POLQ: variants seen among roughly 807,000 people sequenced by gnomAD.
POLQ encodes DNA polymerase theta, also known as epididymis secretory sperm binding protein.
A neutral mutation model predicts 259.2 loss-of-function variants in POLQ; 233 were observed. That is an observed-to-expected ratio of 0.90 (90% CI 0.81 to 1.00). The LOEUF (loss-of-function observed/expected upper bound fraction) is 1.00, where lower values mean the gene tolerates loss of function less well. Ranked by LOEUF, POLQ falls within the 50% of genes least tolerant of loss-of-function variation. The pLI is 0.00. For synonymous variants in POLQ, 1,025 were observed against 1,048.8 expected (o/e 0.98, Z 0.44); for missense variants, 2,871 against 3,051.6 (o/e 0.94, Z 1.39).
intron 15 of POLQ, among the ~76,000 whole-genome samples, chr3:121,492,362 G>A (rs2048075640): frequency 6.6e-6 from 1 of 152,148 alleles, no homozygotes; most frequent in South Asian, 2.1e-4. Flanking sequence ...GCTATTCCTT[G>A]ATTTATATAC....
intron 13 of POLQ, 67 bp from the exon 14 acceptor site, chr3:121,496,999 A>G (rs1019401734): frequency 6.6e-7 from 1 of 1,524,006 alleles, no homozygotes; most frequent in African/African-American, 1.4e-5. Context: ...CAGTGTGTTG[A>G]AAAATGACTA....
At chr3:121,474,246 C>T (rs565246287) in intron 20 of POLQ, among the ~76,000 whole-genome samples, 39 of 152,272 alleles carry the variant, frequency 2.6e-4, no homozygotes, top group African/African-American at 8.2e-4. Flanking sequence ...TTTGAAAAGT[C>T]ATCTAGTCCC....
chr3:121,500,500 A>G (rs1294893196), intron 12 of POLQ, among the ~76,000 whole-genome samples: 1 of 152,228 alleles, frequency 6.6e-6, no homozygotes, highest in African/African-American at 2.4e-5. Context: ...ATCAGCAAAC[A>G]TGAATAGATT....
At position 121,483,490 on chromosome 3, in the gene POLQ, A is replaced by G; in HGVS notation, c.5866T>C (p.Ser1956Pro). Residue 1956 changes from serine (S) to proline (P), a missense_variant, in exon 18 of 30, where the codon TCT (serine) becomes CCT (proline). Physicochemically the swap from Ser to Pro is moderately conservative, Grantham distance 74. Around this residue, in one of 3 missense-constraint regions of POLQ, gnomAD observed 2,080 missense variants for 2,126.0 expected, o/e 0.98. Transcript: ENST00000264233. ...ATGACAACAGAACATTCTTTATCAGATTCCTTTCGCAAGCAAGATTGAAGG... is the reference window on the plus strand; with the variant it reads ...ATGACAACAGAACATTCTTTATCAGGTTCCTTTCGCAAGCAAGATTGAAGG... The part of the protein sequence containing the change: ...WYLQSCLRKE[S>P]DKECSVVIYD... The G allele has an allele frequency of 6.2e-7, 1 of 1,609,524 alleles. No homozygotes were observed. The highest frequency in any genetic ancestry group is 8.5e-7 in the Non-Finnish European group (1 of 1,178,278).
chr3:121,536,614 A>C (rs1311650423), intron 5 of POLQ, among the ~76,000 whole-genome samples: 1 of 152,222 alleles, frequency 6.6e-6, no homozygotes, highest in South Asian at 2.1e-4. Flanking sequence ...ATGTTTACAC[A>C]GTAATCTAAA....
At position 121,519,358 on chromosome 3, in the gene POLQ, T is replaced by TTATA. The variant is rs1560105364; in HGVS notation, c.1468+512_1468+513insTATA. ...ACATTTGTAGAAAATCAACAGTTGATGATATATATATATATATATATATAT... is the reference window on the plus strand; with the variant it reads ...ACATTTGTAGAAAATCAACAGTTGATTATAGATATATATATATATATATATATAT... On this transcript the variant is annotated intron_variant, in intron 9 of 29. Coordinates refer to ENST00000264233, the MANE Select transcript of POLQ (RefSeq NM_199420.4). Among the ~76,000 whole-genome samples the TTATA allele has an allele frequency of 2.0e-4, 12 of 60,688 alleles. No homozygotes were observed. In the East Asian group the frequency reaches 3.0e-3, roughly 15 times the overall value. 39.8% of individuals were successfully genotyped at this position (60,688 alleles called of 152,430 possible).
chr3:121,450,777 T>G (rs1175015060), intron 25 of POLQ, among the ~76,000 whole-genome samples: 1 of 152,180 alleles, frequency 6.6e-6, no homozygotes, highest in Non-Finnish European at 1.5e-5. Flanking sequence ...TTGGAGTTGC[T>G]CTTCTCGAGG....
At chr3:121,530,390 G>A (rs2048402853) in intron 6 of POLQ, among the ~76,000 whole-genome samples, 2 of 152,168 alleles carry the variant, frequency 1.3e-5, no homozygotes, top group African/African-American at 4.8e-5. Flanking sequence ...ATGATATTCA[G>A]TAGGTTAAAT....
At chr3:121,477,379 C>T (rs2047935574) in intron 19 of POLQ, among the ~76,000 whole-genome samples, 1 of 152,076 alleles carries the variant, frequency 6.6e-6, no homozygotes, top group African/African-American at 2.4e-5. Flanking sequence ...TATCTTTAGG[C>T]TATGTCTATA....
At chr3:121,467,829 C>T (rs1294605192) in intron 23 of POLQ, among the ~76,000 whole-genome samples, 189 bp from the exon 24 acceptor site, 2 of 152,142 alleles carry the variant, frequency 1.3e-5, no homozygotes, top group African/African-American at 2.4e-5. Context: ...TTGCTTGAGC[C>T]CAGGAGTTCG....
intron 12 of POLQ, among the ~76,000 whole-genome samples, chr3:121,500,412 G>A (rs1371041979): frequency 2.0e-5 from 3 of 152,122 alleles, no homozygotes; most frequent in Admixed American, 6.5e-5. Flanking sequence ...GATTAAAGGC[G>A]TGAGCCACCA....
chr3:121,487,764 G>A lies in POLQ; in HGVS notation c.5167C>T (p.Arg1723Cys), dbSNP rs77475519. ...TCATCAACTATATTACTTTCTTTAC[G>A]AGGTAAGAGGGATGAGGTTTCATCA... Reference protein sequence around the residue: ...NHDETSSLLPRKESNIVDDNG... With the variant: ...NHDETSSLLPCKESNIVDDNG... Residue 1723 changes from arginine (R) to cysteine (C), a missense_variant, in exon 16 of 30, where the codon CGT becomes TGT. Around this residue, in one of 3 missense-constraint regions of POLQ, gnomAD observed 2,080 missense variants for 2,126.0 expected, o/e 0.98. Coordinates refer to ENST00000264233, the MANE Select transcript of POLQ (RefSeq NM_199420.4). 9.4e-5 allele frequency: 151 copies of A among 1,611,724 alleles called. No homozygotes were observed. The East Asian group carries it at 3.3e-3, about 35-fold the overall frequency.
intron 5 of POLQ, among the ~76,000 whole-genome samples, chr3:121,535,923 T>C (rs546323051): frequency 6.6e-6 from 1 of 152,042 alleles, no homozygotes; most frequent in South Asian, 2.1e-4. Flanking sequence ...ATAGCACATA[T>C]ATAGATTAAC....
intron 1 of POLQ, 55 bp downstream of exon 1, chr3:121,545,660 C>A: frequency 1.3e-6 from 2 of 1,489,678 alleles, no homozygotes; most frequent in Non-Finnish European, 9.0e-7. Context: ...CCTCCCGACC[C>A]ATGGCCCGGC....
chr3:121,523,449 C>A (rs949885808), intron 7 of POLQ, among the ~76,000 whole-genome samples: 1 of 152,100 alleles, frequency 6.6e-6, no homozygotes, highest in Non-Finnish European at 1.5e-5. Flanking sequence ...CGGTGGCTGA[C>A]ACCCGTAATC....
At position 121,487,830 on chromosome 3, in the gene POLQ, CTTCA is replaced by C. The variant is rs769408398; in HGVS notation, c.5097_5100del (p.Asn1699LysfsTer2). On this transcript the variant is annotated frameshift_variant, in exon 16 of 30. Transcript: ENST00000264233. LOFTEE classifies it high-confidence loss of function. ...TCTAGCATCTCAATCTTGCTTTTTA[CTTCA>C]TTATTAGAAGAAAATGAAATTCCCT... 2 of 1,609,294 alleles carry C rather than the reference CTTCA, an allele frequency of 1.2e-6. No homozygotes were observed. Among genetic ancestry groups the C allele is most frequent in the Middle Eastern group, 1.7e-4 (1 of 6,024 alleles).
rs571341197 is a variant in POLQ, at chr3:121,503,643, T to G, written c.1960-4973A>C. Among the ~76,000 whole-genome samples the G allele has an allele frequency of 4.6e-5, 7 of 152,314 alleles. No homozygotes were observed. In the South Asian group the frequency reaches 1.2e-3, roughly 27 times the overall value. ...TCTCTTGTTATCTGTGGGGGACTGG[T>G]TCCAGGACCTCCTGCAGATAACAAA... On this transcript the variant is annotated intron_variant, in intron 12 of 29. Coordinates refer to ENST00000264233, the MANE Select transcript of POLQ (RefSeq NM_199420.4).
chr3:121,501,455 C>G (rs1051450277), intron 12 of POLQ, among the ~76,000 whole-genome samples: 1 of 149,512 alleles, frequency 6.7e-6, no homozygotes, highest in Non-Finnish European at 1.5e-5. Context: ...GTCAGGAGAT[C>G]GAGACCATCC....
At chr3:121,522,591 G>A (rs1034706271) in intron 7 of POLQ, among the ~76,000 whole-genome samples, 5 of 152,026 alleles carry the variant, frequency 3.3e-5, no homozygotes, top group African/African-American at 1.2e-4. Context: ...GATTACAGGC[G>A]TGAGCCACCG....
Sources: gnomAD v4.1 joint callset for allele counts (sites outside exome capture counted in the v4.1 genomes callset) on GRCh38, gnomAD v4.1.1 for gene constraint, gnomAD v4.1.1 regional missense constraint, MANE v1.5 for transcripts, NCBI Gene and HGNC (gene_info 2026-07-23, HGNC 2026-07-21) for gene names.